The following TSNARE1 variants were observed in gnomAD, a reference collection of about 807,000 sequenced individuals.
TSNARE1 encodes t-SNARE domain-containing protein 1.
In TSNARE1, 49 loss-of-function variants were observed where a neutral mutation model predicts 62.0. That is an observed-to-expected ratio of 0.79 (90% CI 0.63 to 1.00). The LOEUF (loss-of-function observed/expected upper bound fraction) is 1.00, where lower values mean the gene tolerates loss of function less well. Among genes scored for constraint, TSNARE1 ranks in the 50% least tolerant of loss-of-function variants. The probability of loss-of-function intolerance (pLI) is 0.00; values close to 1 mark genes in which losing one functional copy is unlikely to be tolerated. For synonymous variants in TSNARE1, 328 were observed against 294.4 expected, an observed-to-expected ratio of 1.11 and a Z score of -1.17; for missense variants, 755 against 700.1, an observed-to-expected ratio of 1.08 and a Z score of -0.88.
At chr8:142,299,168 G>A (rs1471541259) in intron 10 of TSNARE1, among the ~76,000 whole-genome samples, 1 of 152,236 alleles carries the variant, frequency 6.6e-6, no homozygotes, top group African/African-American at 2.4e-5. Flanking sequence ...TCCTCCACCA[G>A]GTCAAAGTAG....
At chr8:142,258,681 T>C (rs995220126) in intron 12 of TSNARE1, among the ~76,000 whole-genome samples, 2 of 152,060 alleles carry the variant, frequency 1.3e-5, no homozygotes, top group African/African-American at 2.4e-5. Flanking sequence ...GACAGGGTTT[T>C]GCTTTTTTAT....
rs750341105 is a variant in TSNARE1 at position 142,344,408 on chromosome 8, CG to C, written c.302del (p.Pro101ArgfsTer40). 2.5e-6 allele frequency: 4 copies of C among 1,588,090 alleles called. No homozygotes were observed. The highest frequency in any genetic ancestry group is 1.1e-5 in the South Asian group (1 of 87,706). On this transcript the variant is annotated frameshift_variant, in exon 4 of 14. Coordinates refer to ENST00000524325, the MANE Select transcript of TSNARE1 (RefSeq NM_145003.5). LOFTEE classifies it high-confidence loss of function. ...GGGGCCCAGCAGCCGAGTCCTTCCT[CG>C]GGCCAATGGTGGGTGATGAGGTGGG... ...PEPTSSPTIGPRKDSAAGPHG... is the reference protein window; with the variant it reads ...PEPTSSPTIGXRKDSAAGPHG...
chr8:142,253,188 C>T (rs1484211809), intron 12 of TSNARE1, among the ~76,000 whole-genome samples: 1 of 152,200 alleles, frequency 6.6e-6, no homozygotes, highest in Non-Finnish European at 1.5e-5. Flanking sequence ...CCCAGGCTGG[C>T]ACTACGGGTA....
At chr8:142,399,440 C>T (rs1181923039) in intron 1 of TSNARE1, among the ~76,000 whole-genome samples, 1 of 152,202 alleles carries the variant, frequency 6.6e-6, no homozygotes, top group Non-Finnish European at 1.5e-5. Context: ...ACAGAGTCCA[C>T]CACTGGCGCT....
chr8:142,368,088 T>C (rs1835678904), intron 1 of TSNARE1, among the ~76,000 whole-genome samples: 1 of 151,742 alleles, frequency 6.6e-6, no homozygotes, highest in African/African-American at 2.4e-5. Context: ...ATGTCACAGC[T>C]TTTATAAAAG....
intron 9 of TSNARE1, among the ~76,000 whole-genome samples, chr8:142,309,890 G>A (rs1018197650): frequency 2.0e-5 from 3 of 151,920 alleles, no homozygotes; most frequent in Non-Finnish European, 4.4e-5. Context: ...TTCTTTGTGG[G>A]ATATTTTTAA....
chr8:142,363,828 T>A lies in TSNARE1; in HGVS notation c.-39-9065A>T, dbSNP rs1587023406. Among the ~76,000 whole-genome samples, 5 of 152,232 alleles carry A rather than the reference T, an allele frequency of 3.3e-5. No homozygotes were observed. In the South Asian group the frequency reaches 1.0e-3, roughly 32 times the overall value. On this transcript the variant is annotated intron_variant, in intron 1 of 13. Coordinates refer to ENST00000524325, the MANE Select transcript of TSNARE1 (RefSeq NM_145003.5). Reference sequence around the variant, plus strand: ...CTCAGGGTGAAGACCACGCACGCCCTCGCAAGAGACCGGGATACCCAATAG... The same window carrying A: ...CTCAGGGTGAAGACCACGCACGCCCACGCAAGAGACCGGGATACCCAATAG...
At chr8:142,263,085 C>T (rs1818971013) in intron 12 of TSNARE1, among the ~76,000 whole-genome samples, 1 of 152,156 alleles carries the variant, frequency 6.6e-6, no homozygotes, top group Non-Finnish European at 1.5e-5. Flanking sequence ...CCAGCTAGCA[C>T]CCTCGACTTT....
intron 11 of TSNARE1, chr8:142,275,543 C>T (rs1820326005): frequency 1.0e-6 from 1 of 985,310 alleles, no homozygotes; most frequent in Non-Finnish European, 1.2e-6. Context: ...CATTGTCTTC[C>T]ACCCAAAGGA....
intron 1 of TSNARE1, among the ~76,000 whole-genome samples, chr8:142,372,381 G>A (rs1042240059): frequency 5.3e-5 from 8 of 152,212 alleles, no homozygotes; most frequent in Non-Finnish European, 5.9e-5. Context: ...GAGAAGGGAA[G>A]GGAAGAGCTG....
intron 12 of TSNARE1, among the ~76,000 whole-genome samples, chr8:142,237,963 G>GGCCCACGCCACCCGCCT (rs946350521): frequency 6.6e-6 from 1 of 152,040 alleles, no homozygotes; most frequent in Non-Finnish European, 1.5e-5. Flanking sequence ...TTTCCCTGCT[G>GGCCCACGCCACCCGCCT]GCCCACGCCA....
intron 9 of TSNARE1, 42 bp from the exon 10 acceptor site, chr8:142,300,686 A>G (rs369386047): frequency 6.4e-5 from 101 of 1,578,934 alleles, no homozygotes; most frequent in Middle Eastern, 3.4e-4. Flanking sequence ...GACCCCTCCC[A>G]TTACCACCAC....
intron 13 of TSNARE1, among the ~76,000 whole-genome samples, chr8:142,224,891 C>A (rs566416612): frequency 6.6e-6 from 1 of 152,240 alleles, no homozygotes; most frequent in African/African-American, 2.4e-5. Flanking sequence ...GGGAGTGGGG[C>A]AGAGGGCGGG....
At chr8:142,307,756 C>T (rs1262269989) in intron 9 of TSNARE1, among the ~76,000 whole-genome samples, 1 of 152,186 alleles carries the variant, frequency 6.6e-6, no homozygotes, top group East Asian at 1.9e-4. Flanking sequence ...GGCAGAACTG[C>T]AAGATCCTAG....
At chr8:142,285,802 T>C (rs1367387785) in intron 10 of TSNARE1, among the ~76,000 whole-genome samples, 1 of 152,158 alleles carries the variant, frequency 6.6e-6, no homozygotes, top group African/African-American at 2.4e-5. Context: ...TGTCTACCTT[T>C]ACCCTAACTC....
intron 1 of TSNARE1, among the ~76,000 whole-genome samples, chr8:142,381,352 G>T (rs574338653): frequency 1.8e-4 from 28 of 152,350 alleles, no homozygotes; most frequent in African/African-American, 6.3e-4. Flanking sequence ...CCCACGGCCG[G>T]GCAGCAGGTG....
rs1586880027 is a variant in TSNARE1, at chr8:142,258,590, T to G, written c.1446+16191A>C. Among the ~76,000 whole-genome samples, 4 of 151,386 alleles carry G rather than the reference T, an allele frequency of 2.6e-5. No homozygotes were observed. In the East Asian group the frequency reaches 7.8e-4, roughly 30 times the overall value. ...TCTGCCTCCTGGGTTCAAGCCATTC[T>G]CATGCCTCAGCCACCCAAGTAGCTG... On this transcript the variant is annotated intron_variant, in intron 12 of 13. Transcript: ENST00000524325.
intron 12 of TSNARE1, among the ~76,000 whole-genome samples, chr8:142,256,378 ATC>A: frequency 4.1e-3 from 1 of 244 alleles, no homozygotes; most frequent in Non-Finnish European, 7.5e-3. Flanking sequence ...CATCACCACC[ATC>A]ATCATCACCA....
chr8:142,221,864 C>T (rs1586758053), intron 13 of TSNARE1, among the ~76,000 whole-genome samples: 1 of 125,594 alleles, frequency 8.0e-6, no homozygotes, highest in Non-Finnish European at 1.8e-5. Context: ...CATCCACTCA[C>T]TCATTCACTC....
Sources: gnomAD v4.1 joint callset for allele counts (sites outside exome capture counted in the v4.1 genomes callset) on GRCh38, gnomAD v4.1.1 for gene constraint, MANE v1.5 for transcripts, NCBI Gene and HGNC (gene_info 2026-07-23, HGNC 2026-07-21) for gene names.